Variants in SKOR2 observed in about 807,000 individuals in gnomAD.
SKOR2 encodes LBX1 corepressor 1-like protein.
In SKOR2, 47 loss-of-function variants were observed where a neutral mutation model predicts 69.1. The observed-to-expected ratio is 0.68, with a 90% confidence interval of 0.54 to 0.87. The LOEUF is 0.87. SKOR2 is among the 40% of genes least tolerant of loss of function. The probability of loss-of-function intolerance (pLI) is 0.00; values close to 1 mark genes in which losing one functional copy is unlikely to be tolerated. For synonymous variants in SKOR2, 717 were observed against 672.6 expected (o/e 1.07, Z -1.02); for missense variants, 1,404 against 1,472.2 (o/e 0.95, Z 0.76).
At chr18:47,241,782 A>G (rs1457792185) in intron 4 of SKOR2, among the ~76,000 whole-genome samples, 3 of 152,214 alleles carry the variant, frequency 2.0e-5, no homozygotes, top group African/African-American at 7.2e-5. Flanking sequence ...CATTCAATAC[A>G]GGATAATAAG....
chr18:47,241,240 T>C (rs1215404692), intron 4 of SKOR2, among the ~76,000 whole-genome samples: 1 of 152,232 alleles, frequency 6.6e-6, no homozygotes, highest in Non-Finnish European at 1.5e-5. Context: ...AATGCTATCA[T>C]GTAGATAACG....
intron 4 of SKOR2, among the ~76,000 whole-genome samples, chr18:47,239,665 C>G (rs980095495): frequency 6.6e-6 from 1 of 152,060 alleles, no homozygotes; most frequent in Non-Finnish European, 1.5e-5. Flanking sequence ...TTTCATTGCC[C>G]TTCTCTATCT....
At chr18:47,215,772 C>A (rs2064142107) in intron 7 of SKOR2, among the ~76,000 whole-genome samples, 1 of 152,192 alleles carries the variant, frequency 6.6e-6, no homozygotes, top group Non-Finnish European at 1.5e-5. Flanking sequence ...TCCCCATCAA[C>A]ACGCCTTGTG....
intron 6 of SKOR2, among the ~76,000 whole-genome samples, chr18:47,223,899 T>C (rs963109095): frequency 5.9e-5 from 7 of 119,144 alleles, no homozygotes; most frequent in Non-Finnish European, 1.2e-4. Flanking sequence ...ATTTTTTCTA[T>C]GTTCTTTTTT....
rs762826797 is a variant in SKOR2, at chr18:47,249,098, G to C, written c.86C>G (p.Pro29Arg). The C allele has an allele frequency of 7.2e-6, 11 of 1,536,122 alleles. No homozygotes were observed. Among genetic ancestry groups the C allele is most frequent in the Non-Finnish European group, 9.6e-6 (11 of 1,146,900 alleles). The change falls in exon 2 of 9, where the codon CCG becomes CGG. Residue 29 changes from proline (P) to arginine (R), a missense_variant. Around this residue, in one of 3 missense-constraint regions of SKOR2, gnomAD observed 104 missense variants for 95.7 expected, o/e 1.09. Transcript: ENST00000425639. ...SAFQPDTLSQPRPGHANLKPN... is the reference protein window; with the variant it reads ...SAFQPDTLSQRRPGHANLKPN... ...TTTGAGGTTGGCGTGCCCTGGCCGC[G>C]GCTGGCTCAGCGTGTCGGGCTGGAA...
At chr18:47,227,100 C>G (rs1051109591) in intron 6 of SKOR2, among the ~76,000 whole-genome samples, 2 of 152,122 alleles carry the variant, frequency 1.3e-5, no homozygotes, top group Non-Finnish European at 2.9e-5. Context: ...TCTCTTCCTC[C>G]TCCCAACTGC....
At position 47,247,189 on chromosome 18, in the gene SKOR2, GTGGTGGTGGTGGTGAGGGTGGTGA is replaced by G; in HGVS notation, c.1971_1994del (p.Pro660_His667del). 8 of 1,354,214 alleles carry G rather than the reference GTGGTGGTGGTGGTGAGGGTGGTGA, an allele frequency of 5.9e-6. No homozygotes were observed. Among genetic ancestry groups the G allele is most frequent in the Non-Finnish European group, 7.6e-6 (8 of 1,055,104 alleles). 83.9% of individuals were successfully genotyped at this position (1,354,214 alleles called of 1,614,324 possible). ...ACGGCGGCTGCGGGGGGTGGTGGTG[GTGGTGGTGGTGGTGAGGGTGGTGA>G]TGGTGGTGGGGATGCGTCTGGGCCG... On this transcript the variant is annotated inframe_deletion, in exon 2 of 9. Transcript: ENST00000425639. The surrounding 1 kb of genome is among the most constrained non-coding windows in gnomAD (Gnocchi z 6.6).
rs987655359 is a variant in SKOR2 at position 47,245,401 on chromosome 18, G to A, written c.2677+97C>T. On this transcript the variant is annotated intron_variant, in intron 3 of 8. Transcript: ENST00000425639. ...CAAATCAATGGTTAAAAACAGAATGGTGGTAGTGGGTAGGTGAGGAGGCTG... is the reference window on the plus strand; with the variant it reads ...CAAATCAATGGTTAAAAACAGAATGATGGTAGTGGGTAGGTGAGGAGGCTG... 6.5e-6 allele frequency: 7 copies of A among 1,080,762 alleles called. No individual in the cohort carries two copies. In the Admixed American group the frequency reaches 1.4e-4, roughly 21 times the overall value. The allele number at this position is 1,080,762 out of a possible 1,614,324, so 66.9% of individuals were successfully genotyped here.
At chr18:47,245,047 A>ATT in intron 3 of SKOR2, 65 bp from the exon 4 acceptor site, 1 of 1,407,084 alleles carries the variant, frequency 7.1e-7, no homozygotes, top group Non-Finnish European at 9.5e-7. Flanking sequence ...ACAAAGATCC[A>ATT]ATTTTTTTTT....
chr18:47,246,836 C>T lies in SKOR2; in HGVS notation c.2348G>A (p.Gly783Glu). The T allele has an allele frequency of 6.8e-7, 1 of 1,469,846 alleles. No homozygotes were observed. The highest frequency in any genetic ancestry group is 1.5e-5 in the African/African-American group (1 of 68,256). The allele number at this position is 1,469,846 out of a possible 1,614,324, so 91.1% of individuals were successfully genotyped here. ...TEVLLGDPLVGGGRFLQGRGP... is the reference protein window; with the variant it reads ...TEVLLGDPLVEGGRFLQGRGP... ...TCGGCCCTGGAGGAACCGGCCGCCCCCGACTAAGGGGTCGCCGAGTAGGAC... is the reference window on the plus strand; with the variant it reads ...TCGGCCCTGGAGGAACCGGCCGCCCTCGACTAAGGGGTCGCCGAGTAGGAC... The change falls in exon 2 of 9, where the codon GGG becomes GAG. Residue 783 changes from glycine (G) to glutamate (E), a missense_variant. By Grantham distance (98) the Gly-to-Glu change is moderately conservative. Around this residue, in one of 3 missense-constraint regions of SKOR2, gnomAD observed 1,266 missense variants for 1,309.9 expected, o/e 0.97. Transcript: ENST00000425639.
chr18:47,247,712 G>T lies in SKOR2; in HGVS notation c.1472C>A (p.Pro491Gln), dbSNP rs1298283520. ...TAGCGCGCAGCCTAGCGCCGAGGGCGGCTGAGGCGGGGGCTGCAGGTAGGT... is the reference window on the plus strand; with the variant it reads ...TAGCGCGCAGCCTAGCGCCGAGGGCTGCTGAGGCGGGGGCTGCAGGTAGGT... ...VPTYLQPPPQPPSALGCALGE... is the reference protein window; with the variant it reads ...VPTYLQPPPQQPSALGCALGE... Residue 491 changes from proline to glutamine, a missense_variant, in exon 2 of 9, where the codon CCG becomes CAG. By Grantham distance (76) the Pro-to-Gln change is moderately conservative (BLOSUM62 -1). This residue lies in a region of SKOR2 where 1,266 missense variants were observed against 1,309.9 expected (regional missense o/e 0.97). Coordinates refer to ENST00000425639, the MANE Select transcript of SKOR2 (RefSeq NM_001278063.4). The surrounding 1 kb of genome is among the most constrained non-coding windows in gnomAD (Gnocchi z 6.6). The T allele has an allele frequency of 1.5e-5, 20 of 1,360,408 alleles. No homozygotes were observed. The highest frequency in any genetic ancestry group is 1.8e-5 in the Non-Finnish European group (19 of 1,066,372). 84.3% of individuals were successfully genotyped at this position (1,360,408 alleles called of 1,614,324 possible).
rs1482728609 is a variant in SKOR2 at position 47,206,891 on chromosome 18, A to C, written c.*5T>G. 1 of 152,216 alleles carries C rather than the reference A, an allele frequency of 6.6e-6. No homozygotes were observed. 9.4% of individuals were successfully genotyped at this position (152,216 alleles called of 1,614,324 possible). On this transcript the variant is annotated splice_region_variant and 3_prime_UTR_variant, in exon 9 of 9. Coordinates refer to ENST00000425639, the MANE Select transcript of SKOR2 (RefSeq NM_001278063.4). The stretch of plus-strand genomic sequence containing the variant: ...AGAACAAGAGTAAGTAGTTCTGTGC[A>C]CCTGGGATAAGACAAAAGCATAGAA...
chr18:47,216,378 C>A (rs2064143947), intron 7 of SKOR2, among the ~76,000 whole-genome samples: 2 of 151,954 alleles, frequency 1.3e-5, no homozygotes, highest in Admixed American at 1.3e-4. Context: ...ACTAAAATAC[C>A]CAAATTTTGA....
intron 6 of SKOR2, among the ~76,000 whole-genome samples, chr18:47,222,848 C>G (rs1280025279): frequency 6.6e-6 from 1 of 152,114 alleles, no homozygotes; most frequent in African/African-American, 2.4e-5. Context: ...AAAACTAGTC[C>G]TAACTTAACT....
At chr18:47,214,658 A>T (rs2064138243) in intron 7 of SKOR2, among the ~76,000 whole-genome samples, 1 of 152,186 alleles carries the variant, frequency 6.6e-6, no homozygotes, top group African/African-American at 2.4e-5. Context: ...CTGAAATCAG[A>T]TGTATTAGAA....
Position 47,230,976 on chromosome 18 carries a change from G to A in SKOR2, c.2777C>T (p.Ser926Leu). The A allele has an allele frequency of 2.6e-6, 4 of 1,535,946 alleles. No individual in the cohort carries two copies. The South Asian group carries it at 3.6e-5, about 14-fold the overall frequency. ...RSGEHTQETN[S>L]PHSLKKDVEN... is the part of the protein sequence containing the mutation. ...TACATCCTTTTTCAGTGAATGAGGT[G>A]AGTTGGTTTCTTGTGTATGTTCACC... The change falls in exon 5 of 9, where the codon TCA becomes TTA. Residue 926 changes from serine (S) to leucine (L), a missense_variant. By Grantham distance (145) the Ser-to-Leu change is moderately radical (BLOSUM62 -2). This residue lies in a region of SKOR2 where 1,266 missense variants were observed against 1,309.9 expected (regional missense o/e 0.97). Transcript: ENST00000425639.
intron 8 of SKOR2, among the ~76,000 whole-genome samples, chr18:47,207,500 C>G (rs1434487925): frequency 6.6e-6 from 1 of 152,152 alleles, no homozygotes; most frequent in Non-Finnish European, 1.5e-5. Context: ...TTAGCCTTCT[C>G]AGCTGTAGGG....
intron 4 of SKOR2, among the ~76,000 whole-genome samples, chr18:47,242,402 A>T (rs1488962657): frequency 6.6e-6 from 1 of 152,162 alleles, no homozygotes; most frequent in Non-Finnish European, 1.5e-5. Context: ...CTTCTTAAAA[A>T]AATTATGAAT....
intron 4 of SKOR2, among the ~76,000 whole-genome samples, chr18:47,237,536 G>C (rs1042787108): frequency 6.6e-6 from 1 of 152,152 alleles, no homozygotes; most frequent in Non-Finnish European, 1.5e-5. Flanking sequence ...CAATAAATAA[G>C]AGCATTTAAA....
Sources: gnomAD v4.1 joint callset for allele counts (sites outside exome capture counted in the v4.1 genomes callset) on GRCh38, gnomAD v4.1.1 for gene constraint, gnomAD v4.1.1 regional missense constraint, Gnocchi (gnomAD v3.1) non-coding constraint, MANE v1.5 for transcripts, NCBI Gene and HGNC (gene_info 2026-07-23, HGNC 2026-07-21) for gene names.